The following CTIF variants were observed in gnomAD, a reference collection of about 807,000 sequenced individuals.
CTIF encodes the protein CBP80/20-dependent translation initiation factor.
Under a neutral mutation model 66.0 loss-of-function variants are expected in CTIF, and 21 were observed. The observed-to-expected ratio is 0.32, with a 90% CI of 0.23 to 0.46. CTIF has a LOEUF of 0.46. CTIF is among the 20% of genes least tolerant of loss of function. The pLI is 1.00. For synonymous variants in CTIF, 345 were observed against 326.4 expected (o/e 1.06, Z -0.62); for missense variants, 739 against 812.7 (o/e 0.91, Z 1.10).
At chr18:48,593,005 A>G (rs949770253) in intron 1 of CTIF, among the ~76,000 whole-genome samples, 1 of 152,242 alleles carries the variant, frequency 6.6e-6, no homozygotes, top group African/African-American at 2.4e-5. Flanking sequence ...TATACAGCCC[A>G]TGTCCTGCCT....
intron 1 of CTIF, among the ~76,000 whole-genome samples, chr18:48,568,906 A>G (rs1181271596): frequency 6.6e-6 from 1 of 152,136 alleles, no homozygotes; most frequent in African/African-American, 2.4e-5. Context: ...CTCCCATGAC[A>G]AGTGGGGATT....
intron 9 of CTIF, among the ~76,000 whole-genome samples, chr18:48,785,441 C>A (rs1911620927): frequency 6.6e-6 from 1 of 152,262 alleles, no homozygotes; most frequent in Admixed American, 6.5e-5. Flanking sequence ...CTCCTCACAT[C>A]TCAGGCTGGG....
chr18:48,663,691 C>T, intron 3 of CTIF, 61 bp from the exon 4 acceptor site: 5 of 1,507,452 alleles, frequency 3.3e-6, no homozygotes, highest in South Asian at 2.3e-5. Flanking sequence ...GCCCTGGCCC[C>T]GTGTTCTCAG....
intron 9 of CTIF, among the ~76,000 whole-genome samples, chr18:48,779,697 G>A (rs536052885): frequency 3.2e-4 from 48 of 152,298 alleles, no homozygotes; most frequent in African/African-American, 1.1e-3. Context: ...CTGTCTTGCC[G>A]GGGGTGGGGG....
At chr18:48,796,773 A>G (rs566891333) in intron 9 of CTIF, among the ~76,000 whole-genome samples, 1 of 152,300 alleles carries the variant, frequency 6.6e-6, no homozygotes, top group South Asian at 2.1e-4. Flanking sequence ...TTACATGCTC[A>G]CAGCTTCTGG....
At chr18:48,832,938 G>A (rs2068725275) in intron 10 of CTIF, among the ~76,000 whole-genome samples, 1 of 152,214 alleles carries the variant, frequency 6.6e-6, no homozygotes, top group South Asian at 2.1e-4. Flanking sequence ...TGAGTCTGGG[G>A]GGCGGAGGTG....
At chr18:48,583,116 G>T (rs2089696103) in intron 1 of CTIF, among the ~76,000 whole-genome samples, 1 of 152,192 alleles carries the variant, frequency 6.6e-6, no homozygotes, top group Non-Finnish European at 1.5e-5. Context: ...CAGGGGGCCA[G>T]CTGGGCCATT....
At chr18:48,565,746 C>T (rs2089266370) in intron 1 of CTIF, 4 of 152,266 alleles carry the variant, frequency 2.6e-5, no homozygotes, top group Admixed American at 2.6e-4. Context: ...AGGGTAGTGC[C>T]CCGTACCTCC....
chr18:48,829,529 A>T (rs1207016352), intron 10 of CTIF, among the ~76,000 whole-genome samples: 1 of 118,244 alleles, frequency 8.5e-6, no homozygotes, highest in Non-Finnish European at 1.9e-5. Context: ...AACTCTGCAG[A>T]CGTCTGCAGA....
chr18:48,730,415 TGGGGCCCCTGCGCTGTGA>T (rs1568171454), intron 7 of CTIF, among the ~76,000 whole-genome samples: 3 of 39,958 alleles, frequency 7.5e-5, no homozygotes, highest in African/African-American at 9.5e-5. Context: ...CCACGGTGTG[TGGGGCCCCTGCGCTGTGA>T]GGGGCCCCTG....
At chr18:48,849,847 G>A (rs978868286) in intron 10 of CTIF, among the ~76,000 whole-genome samples, 3 of 152,164 alleles carry the variant, frequency 2.0e-5, no homozygotes, top group Admixed American at 6.5e-5. Context: ...ACCTCCCAAA[G>A]TGCTGGGATT....
At chr18:48,583,729 C>A in intron 1 of CTIF, among the ~76,000 whole-genome samples, 1 of 152,240 alleles carries the variant, frequency 6.6e-6, no homozygotes, top group East Asian at 1.9e-4. Context: ...ACTGGGCAGT[C>A]GACCAGTGGG....
At chr18:48,565,290 T>A (rs1353864299) in intron 1 of CTIF, 1 of 152,188 alleles carries the variant, frequency 6.6e-6, no homozygotes, top group East Asian at 1.9e-4. Context: ...TAGTTTGTGC[T>A]TCCTGGCTGT....
chr18:48,569,912 CCTT>C (rs1185555310), intron 1 of CTIF, among the ~76,000 whole-genome samples: 4 of 152,224 alleles, frequency 2.6e-5, no homozygotes, highest in Admixed American at 6.5e-5. Context: ...CTTACCTTGT[CCTT>C]CTTTATCTCT....
intron 10 of CTIF, among the ~76,000 whole-genome samples, chr18:48,822,336 A>G (rs147319787): frequency 4.5e-4 from 68 of 152,318 alleles, no homozygotes; most frequent in African/African-American, 1.5e-3. Context: ...TATCATTTCT[A>G]TGTCTTAGGG....
intron 7 of CTIF, among the ~76,000 whole-genome samples, chr18:48,747,751 TAAA>T (rs10711852): frequency 1.3e-4 from 18 of 141,596 alleles, no homozygotes; most frequent in African/African-American, 3.6e-4. Flanking sequence ...CTACAAAAAT[TAAA>T]AAAAAAAAAA....
At chr18:48,681,671 C>G (rs1051249388) in intron 6 of CTIF, among the ~76,000 whole-genome samples, 17 of 152,318 alleles carry the variant, frequency 1.1e-4, no homozygotes, top group Non-Finnish European at 1.9e-4. Context: ...TGTCTGTGCT[C>G]TCAGCTTGGT....
Position 48,761,410 on chromosome 18 carries a change from G to A in CTIF, c.1092G>A (p.Thr364=), listed in dbSNP as rs141427281. The change falls in exon 9 of 12, where the codon ACG becomes ACA. Residue 364 remains threonine (T), a synonymous_variant. Transcript: ENST00000256413. The surrounding 1 kb of genome is among the most constrained non-coding windows in gnomAD (Gnocchi z 4.2). ...LKEKDEVAVE[T]TTPQQNKMDK... ...CCCAGGATGAAGTGGCCGTGGAGAC[G>A]ACCACTCCCCAGCAGAACAAGATGG... 5.4e-5 allele frequency: 87 copies of A among 1,613,436 alleles called. No homozygotes were observed. Among genetic ancestry groups the A allele is most frequent in the Middle Eastern group, 1.7e-4 (1 of 6,060 alleles).
chr18:48,805,400 G>C (rs2068124166), intron 9 of CTIF, among the ~76,000 whole-genome samples: 1 of 146,490 alleles, frequency 6.8e-6, no homozygotes, highest in African/African-American at 2.5e-5. Flanking sequence ...GGGCTTCACT[G>C]GTGGGGGGGA....
Sources: gnomAD v4.1 joint callset for allele counts (sites outside exome capture counted in the v4.1 genomes callset) on GRCh38, gnomAD v4.1.1 for gene constraint, Gnocchi (gnomAD v3.1) non-coding constraint, MANE v1.5 for transcripts, NCBI Gene and HGNC (gene_info 2026-07-23, HGNC 2026-07-21) for gene names.